The following OPRM1 variants were observed in gnomAD, a reference collection of about 807,000 sequenced individuals.
OPRM1 encodes the protein mu-type opioid receptor.
A neutral mutation model predicts 31.8 loss-of-function variants in OPRM1; 27 were observed. That is an observed-to-expected ratio of 0.85 (90% CI 0.63 to 1.17). The LOEUF (loss-of-function observed/expected upper bound fraction) is 1.17, where lower values mean the gene tolerates loss of function less well. Among genes scored for constraint, OPRM1 ranks in the 50% most tolerant of loss-of-function variants. The pLI, the probability that OPRM1 is intolerant of heterozygous loss-of-function variation, is 0.00. For synonymous variants in OPRM1, 196 were observed against 189.9 expected (o/e 1.03, Z -0.26); for missense variants, 536 against 511.1 (o/e 1.05, Z -0.47).
intron 1 of OPRM1, among the ~76,000 whole-genome samples, chr6:154,049,960 T>C (rs1210942914): frequency 1.3e-5 from 2 of 152,218 alleles, no homozygotes; most frequent in South Asian, 4.1e-4. Context: ...TATTGGCCTG[T>C]ATTTTTCTTT....
At chr6:154,161,110 G>A (rs959752810) in intron 3 of OPRM1, among the ~76,000 whole-genome samples, 1 of 152,086 alleles carries the variant, frequency 6.6e-6, no homozygotes, top group African/African-American at 2.4e-5. Flanking sequence ...GCCACATGAA[G>A]AATCTTCCTT....
intron 3 of OPRM1, among the ~76,000 whole-genome samples, chr6:154,142,539 A>G (rs552840839): frequency 6.6e-6 from 1 of 152,232 alleles, no homozygotes; most frequent in Admixed American, 6.5e-5. Context: ...CTGAAGGAAG[A>G]ATCCAAGGAA....
At chr6:154,034,220 C>T (rs1281650231), upstream of OPRM1, among the ~76,000 whole-genome samples, 1 of 152,176 alleles carries the variant, frequency 6.6e-6, no homozygotes, top group South Asian at 2.1e-4. Context: ...CTAAATTAAC[C>T]ACTTTTTCCG....
chr6:154,172,754 G>A (rs1799979318), intron 3 of OPRM1, among the ~76,000 whole-genome samples: 1 of 152,256 alleles, frequency 6.6e-6, no homozygotes, highest in African/African-American at 2.4e-5. Flanking sequence ...AAAGGCAGCA[G>A]ACAACTTCTG....
chr6:154,036,644 A>C (rs1262625227), upstream of OPRM1, among the ~76,000 whole-genome samples: 1 of 152,004 alleles, frequency 6.6e-6, no homozygotes, highest in East Asian at 1.9e-4. Context: ...ATATTGAGTC[A>C]AAAAGGACAA....
chr6:154,032,169 T>C (rs1779045080), intron 1 of OPRM1, among the ~76,000 whole-genome samples: 1 of 152,178 alleles, frequency 6.6e-6, no homozygotes, highest in Non-Finnish European at 1.5e-5. Flanking sequence ...GGTAGTTGAA[T>C]GTGGGAAAGG....
chr6:154,212,936 T>C (rs770790319), intron 3 of OPRM1: 1 of 946,710 alleles, frequency 1.1e-6, no homozygotes. Flanking sequence ...TTTATCTCCA[T>C]CTGGCTATTG....
intron 3 of OPRM1, among the ~76,000 whole-genome samples, chr6:154,153,345 T>C (rs576432913): frequency 6.6e-6 from 1 of 152,218 alleles, no homozygotes; most frequent in Non-Finnish European, 1.5e-5. Context: ...TCAAATAGAT[T>C]CACCTGGATT....
At chr6:154,213,509 G>A (rs1029944383) in intron 3 of OPRM1, among the ~76,000 whole-genome samples, 2 of 152,170 alleles carry the variant, frequency 1.3e-5, no homozygotes, top group African/African-American at 4.8e-5. Context: ...CCCCTTTACT[G>A]TTTCAAATCA....
chr6:154,027,737 G>A (rs1778780636), intron 1 of OPRM1, among the ~76,000 whole-genome samples: 1 of 152,158 alleles, frequency 6.6e-6, no homozygotes, highest in African/African-American at 2.4e-5. Flanking sequence ...AAAGGCAGAG[G>A]AGCTTCACCC....
At chr6:154,095,476 T>C (rs900695061) in intron 3 of OPRM1, among the ~76,000 whole-genome samples, 1 of 152,222 alleles carries the variant, frequency 6.6e-6, no homozygotes, top group African/African-American at 2.4e-5. Context: ...TTACCGTCAG[T>C]AATGGGAAAA....
chr6:154,184,616 A>G (rs1801177456), intron 3 of OPRM1, among the ~76,000 whole-genome samples: 1 of 152,198 alleles, frequency 6.6e-6, no homozygotes, highest in Non-Finnish European at 1.5e-5. Flanking sequence ...CAAGATCCAG[A>G]ACACAAAAAT....
intron 3 of OPRM1, among the ~76,000 whole-genome samples, chr6:154,141,300 C>G (rs775333648): frequency 6.6e-6 from 1 of 152,182 alleles, no homozygotes; most frequent in Non-Finnish European, 1.5e-5. Context: ...AATATTCTAA[C>G]GGTTAGCTTA....
rs771892923 is a variant in OPRM1 at position 154,127,294 on chromosome 6, A to G, written c.*8573A>G. On this transcript the variant is annotated 3_prime_UTR_variant, in exon 4 of 4. Coordinates refer to ENST00000330432, the MANE Select transcript of OPRM1 (RefSeq NM_000914.5). ...CATTATCATCTAAGGATTCCGCCAG[A>G]GACTTCCAAAAGAAGAGGTCTCATT... is the stretch of plus-strand genomic sequence containing the variant. Among the ~76,000 whole-genome samples, 68 of 152,186 alleles carry G rather than the reference A, an allele frequency of 4.5e-4. No homozygotes were observed. The highest frequency in any genetic ancestry group is 7.2e-4 in the Non-Finnish European group (49 of 68,046).
intron 3 of OPRM1, among the ~76,000 whole-genome samples, chr6:154,236,398 G>T (rs1321230680): frequency 6.6e-6 from 1 of 152,122 alleles, no homozygotes; most frequent in Non-Finnish European, 1.5e-5. Context: ...GGGAGGAGAA[G>T]GAATGGAGAC....
At chr6:154,152,633 A>G (rs1025804240) in intron 3 of OPRM1, among the ~76,000 whole-genome samples, 2 of 152,160 alleles carry the variant, frequency 1.3e-5, no homozygotes, top group African/African-American at 4.8e-5. Context: ...TGATTTTTTA[A>G]TGCTTTGTCT....
rs146360379 is a variant in OPRM1 at position 154,220,086 on chromosome 6, G to T, written c.1165-26607G>T. Among the ~76,000 whole-genome samples the T allele has an allele frequency of 1.6e-3, 242 of 152,056 alleles. 2 individuals are homozygous for T. The highest frequency in any genetic ancestry group is 5.6e-3 in the African/African-American group (232 of 41,458). On this transcript the variant is annotated intron_variant, in intron 3 of 3. Coordinates refer to the OPRM1 transcript ENST00000337049. ...TTTTTTCTTCATGTTTCTAGAGCAA[G>T]AGAGCAATGAGAACTACATAGGGCA...
intron 3 of OPRM1, among the ~76,000 whole-genome samples, chr6:154,149,814 T>C (rs555892875): frequency 6.6e-6 from 1 of 152,258 alleles, no homozygotes; most frequent in Non-Finnish European, 1.5e-5. Flanking sequence ...CTGAATACCT[T>C]GCTTATGACT....
At chr6:154,095,716 G>T (rs1379897925) in intron 3 of OPRM1, among the ~76,000 whole-genome samples, 1 of 152,012 alleles carries the variant, frequency 6.6e-6, no homozygotes, top group South Asian at 2.1e-4. Flanking sequence ...TTTTGTGCAT[G>T]CCTGGGCTCA....
Sources: gnomAD v4.1 joint callset for allele counts (sites outside exome capture counted in the v4.1 genomes callset) on GRCh38, gnomAD v4.1.1 for gene constraint, MANE v1.5 for transcripts, NCBI Gene and HGNC (gene_info 2026-07-23, HGNC 2026-07-21) for gene names.